Variants in AP1S3 observed in about 807,000 individuals in gnomAD.
AP1S3 encodes the protein AP-1 complex subunit sigma-3.
AP1S3 carries 10 observed loss-of-function variants against 20.9 expected under a neutral mutation model. That is an observed-to-expected ratio of 0.48 (90% CI 0.29 to 0.81). AP1S3 has a LOEUF of 0.81. Among genes scored for constraint, AP1S3 ranks in the 30% least tolerant of loss-of-function variants. The pLI is 0.08. For missense variants in AP1S3, 154 were observed against 183.8 expected (o/e 0.84, Z 0.94); for synonymous variants, 41 against 61.5 (o/e 0.67, Z 1.56).
In AP1S3 at chr2:223,756,997, T is replaced by C. The variant is rs190848197; in HGVS notation, c.*1718A>G. On this transcript the variant is annotated 3_prime_UTR_variant, in exon 5 of 5. Transcript: ENST00000396654. ...CAAGCTTTTACTTTTTCTTTTTTTT[T>C]TTTTTTTTCTTGAGACGCAGTCTTG... 35 of 984,520 alleles carry C rather than the reference T, an allele frequency of 3.6e-5. No individual in the cohort carries two copies. The East Asian group carries it at 3.6e-3, about 102-fold the overall frequency. 61.0% of individuals were successfully genotyped at this position (984,520 alleles called of 1,614,324 possible). A position where few individuals can be genotyped will look rare whatever the true frequency, so the allele number is the denominator to read the frequency against.
rs61207667 is a variant in AP1S3, at chr2:223,769,736, A to ATTT, written c.292-4389_292-4387dup. Among the ~76,000 whole-genome samples, 102 of 80,152 alleles carry ATTT rather than the reference A, an allele frequency of 1.3e-3. 6 individuals carry two copies. Among genetic ancestry groups the ATTT allele is most frequent in the Non-Finnish European group, 1.7e-3 (78 of 44,900 alleles). 52.6% of individuals were successfully genotyped at this position (80,152 alleles called of 152,430 possible). A position where few individuals can be genotyped will look rare whatever the true frequency, so the allele number is the denominator to read the frequency against. ...AGAATAATATGCAGAATGCAATCCCATTTTTTTTTTTTTTTTTTTTTTTTT... is the reference window on the plus strand; with the variant it reads ...AGAATAATATGCAGAATGCAATCCCATTTTTTTTTTTTTTTTTTTTTTTTTTTT... On this transcript the variant is annotated intron_variant, in intron 3 of 4. Transcript: ENST00000396654.
chr2:223,832,141 G>C (rs1237811564), intron 1 of AP1S3, among the ~76,000 whole-genome samples: 745 of 61,760 alleles, frequency 0.012, 34 homozygotes, highest in African/African-American at 0.041. Context: ...CTCTCTGTGT[G>C]TGTGTGTGTG....
chr2:223,799,690 T>C (rs188999921), intron 1 of AP1S3, among the ~76,000 whole-genome samples: 162 of 152,264 alleles, frequency 1.1e-3, no homozygotes, highest in African/African-American at 3.8e-3. Flanking sequence ...AATGAAATAA[T>C]AACTCATTCC....
chr2:223,778,575 A>G (rs970457952), intron 1 of AP1S3, among the ~76,000 whole-genome samples: 1 of 152,226 alleles, frequency 6.6e-6, no homozygotes, highest in African/African-American at 2.4e-5. Context: ...TTTAAAAATT[A>G]TATTCCGGCA....
At chr2:223,824,025 A>G (rs1692058258) in intron 1 of AP1S3, among the ~76,000 whole-genome samples, 1 of 152,138 alleles carries the variant, frequency 6.6e-6, no homozygotes, top group Non-Finnish European at 1.5e-5. Flanking sequence ...GTTTTTTGAA[A>G]TGGGATCTTG....
At chr2:223,772,533 T>C (rs1254655669) in intron 3 of AP1S3, among the ~76,000 whole-genome samples, 1 of 152,220 alleles carries the variant, frequency 6.6e-6, no homozygotes, top group Non-Finnish European at 1.5e-5. Context: ...CAGACTCTTA[T>C]CTGGCATGAG....
At chr2:223,801,961 A>G (rs2106111423) in intron 1 of AP1S3, among the ~76,000 whole-genome samples, 1 of 152,342 alleles carries the variant, frequency 6.6e-6, no homozygotes, top group East Asian at 1.9e-4. Context: ...AGGTAGAAAA[A>G]GCTCTAAGTA....
intron 1 of AP1S3, among the ~76,000 whole-genome samples, chr2:223,785,235 G>C (rs540045098): frequency 6.6e-6 from 1 of 152,108 alleles, no homozygotes; most frequent in Non-Finnish European, 1.5e-5. Context: ...CCAGCCACTC[G>C]GGAGGCTGAG....
chr2:223,797,250 A>G (rs1015335658), intron 1 of AP1S3, among the ~76,000 whole-genome samples: 1 of 152,176 alleles, frequency 6.6e-6, no homozygotes, highest in African/African-American at 2.4e-5. Flanking sequence ...AAATAAGGGT[A>G]AAGATCAGCA....
intron 1 of AP1S3, 29 bp from the exon 2 acceptor site, chr2:223,777,898 C>T (rs80249944): frequency 6.3e-7 from 1 of 1,587,792 alleles, no homozygotes; most frequent in Non-Finnish European, 8.6e-7. Flanking sequence ...AAAACAGAAC[C>T]TGATCAACCA....
Position 223,826,557 on chromosome 2 carries a change from C to T in AP1S3, c.3+10891G>A, listed in dbSNP as rs112781856. Among the ~76,000 whole-genome samples, 734 of 152,214 alleles carry T rather than the reference C, an allele frequency of 4.8e-3. 3 individuals are homozygous for T. Among genetic ancestry groups the T allele is most frequent in the Non-Finnish European group, 6.3e-3 (426 of 68,016 alleles). On this transcript the variant is annotated intron_variant, in intron 1 of 4. Transcript: ENST00000396654. ...GCAGTGAGCAGAGATTGCACCACTGCACTTCAGCTTGGGTGACAGAGAGAG... is the reference window on the plus strand; with the variant it reads ...GCAGTGAGCAGAGATTGCACCACTGTACTTCAGCTTGGGTGACAGAGAGAG...
chr2:223,833,819 C>G (rs1019237960), intron 1 of AP1S3, among the ~76,000 whole-genome samples: 1 of 152,218 alleles, frequency 6.6e-6, no homozygotes, highest in South Asian at 2.1e-4. Flanking sequence ...CACGCATTCA[C>G]TTATGGTACC....
intron 1 of AP1S3, among the ~76,000 whole-genome samples, chr2:223,807,867 C>CTTTTTTTTTTTTTTTTTTTT (rs138805104): frequency 2.3e-5 from 1 of 43,220 alleles, no homozygotes; most frequent in Non-Finnish European, 3.8e-5. Context: ...CATTTCTTTT[C>CTTTTTTTTTTTTTTTTTTTT]TTTTTTTTTT....
intron 1 of AP1S3, among the ~76,000 whole-genome samples, chr2:223,796,767 G>T (rs778494747): frequency 6.6e-6 from 1 of 152,170 alleles, no homozygotes; most frequent in South Asian, 2.1e-4. Flanking sequence ...AGGTTCAAGC[G>T]ATTCTCCCGC....
intron 1 of AP1S3, among the ~76,000 whole-genome samples, chr2:223,806,031 A>G (rs986419552): frequency 6.6e-6 from 1 of 152,170 alleles, no homozygotes. Flanking sequence ...TCAGACTCTC[A>G]ACTTCTAGAA....
At position 223,758,212 on chromosome 2, in the gene AP1S3, T is replaced by C. The variant is rs1162682762; in HGVS notation, c.*503A>G. ...TATGTGAATTGCAGTTACAGTACTA[T>C]TAAGTGTATGAAAAATGTCTAGCAT... is the stretch of plus-strand genomic sequence containing the variant. On this transcript the variant is annotated 3_prime_UTR_variant, in exon 5 of 5. Coordinates refer to ENST00000396654, the MANE Select transcript of AP1S3 (RefSeq NM_001039569.2). The C allele has an allele frequency of 1.0e-6, 1 of 979,524 alleles. No homozygotes were observed. The highest frequency in any genetic ancestry group is 6.2e-5 in the Admixed American group (1 of 16,252). The allele number at this position is 979,524 out of a possible 1,614,324, so 60.7% of individuals were successfully genotyped here.
intron 1 of AP1S3, among the ~76,000 whole-genome samples, chr2:223,812,623 T>G (rs539815990): frequency 1.3e-5 from 2 of 152,302 alleles, no homozygotes; most frequent in East Asian, 3.9e-4. Context: ...GATTTTTTTC[T>G]AAACACGGAA....
chr2:223,815,733 A>G (rs2106121599), intron 1 of AP1S3, among the ~76,000 whole-genome samples: 1 of 152,326 alleles, frequency 6.6e-6, no homozygotes, highest in South Asian at 2.1e-4. Flanking sequence ...ACTTAACTTC[A>G]GCAATAGATT....
At chr2:223,834,481 A>G (rs745617284) in intron 1 of AP1S3, among the ~76,000 whole-genome samples, 13 of 152,126 alleles carry the variant, frequency 8.5e-5, no homozygotes, top group Non-Finnish European at 1.8e-4. Context: ...TCCCAGCTAC[A>G]TGGAAGGCTG....
Sources: allele counts gnomAD v4.1 joint callset (sites outside exome capture counted in the v4.1 genomes callset), GRCh38; gene constraint gnomAD v4.1.1; transcripts MANE v1.5; gene names NCBI Gene and HGNC (gene_info 2026-07-23, HGNC 2026-07-21).